PCCB: variants seen among roughly 807,000 people sequenced by gnomAD.
The protein encoded by PCCB is propionyl-CoA carboxylase subunit beta, also known as propionyl-CoA carboxylase beta chain, mitochondrial.
A neutral mutation model predicts 60.7 loss-of-function variants in PCCB; 43 were observed. The ratio of observed to expected loss-of-function variants is 0.71; its 90% CI spans 0.55 to 0.91. The LOEUF (loss-of-function observed/expected upper bound fraction) is 0.91, where lower values mean the gene tolerates loss of function less well. PCCB is among the 40% of genes least tolerant of loss of function. The probability of loss-of-function intolerance (pLI) is 0.00; values close to 1 mark genes in which losing one functional copy is unlikely to be tolerated. For missense variants in PCCB, 766 were observed against 702.8 expected (o/e 1.09, Z -1.02); for synonymous variants, 276 against 255.9 (o/e 1.08, Z -0.75).
chr3:136,296,200 AT>A (rs1209535481), intron 7 of PCCB, among the ~76,000 whole-genome samples: 1 of 152,204 alleles, frequency 6.6e-6, no homozygotes, highest in Non-Finnish European at 1.5e-5. Context: ...ACCACAATCA[AT>A]TTCAGGACAT....
chr3:136,282,239 TGAAATTTACTTGCTG>T (rs1364540365), intron 5 of PCCB, among the ~76,000 whole-genome samples: 1 of 152,258 alleles, frequency 6.6e-6, no homozygotes, highest in East Asian at 1.9e-4. Flanking sequence ...TGAAGTTTAC[TGAAATTTACTTGCTG>T]TTTTATCAAA....
intron 2 of PCCB, chr3:136,256,182 A>G (rs781336992): frequency 1.0e-4 from 70 of 666,980 alleles, no homozygotes; most frequent in Admixed American, 2.2e-4. Flanking sequence ...GCTTCAAGCA[A>G]TCCACCCACC....
At chr3:136,323,652 G>C (rs866686148) in intron 10 of PCCB, among the ~76,000 whole-genome samples, 21 of 152,260 alleles carry the variant, frequency 1.4e-4, no homozygotes, top group South Asian at 4.1e-4. Context: ...GGACGTGGCA[G>C]AGGGTGCCTG....
chr3:136,294,695 A>G (rs1276618641), intron 7 of PCCB, among the ~76,000 whole-genome samples: 1 of 152,110 alleles, frequency 6.6e-6, no homozygotes, highest in Non-Finnish European at 1.5e-5. Context: ...CTGTAGCCTC[A>G]GTCTTCCGGG....
intron 10 of PCCB, 63 bp downstream of exon 10, chr3:136,317,127 G>T: frequency 6.4e-7 from 1 of 1,570,922 alleles, no homozygotes; most frequent in East Asian, 2.3e-5. Context: ...CTGGGTCCAT[G>T]GTATCCTTTC....
chr3:136,279,263 A>G (rs565846812), intron 5 of PCCB, among the ~76,000 whole-genome samples: 1 of 152,296 alleles, frequency 6.6e-6, no homozygotes, highest in South Asian at 2.1e-4. Context: ...TTTTAATAGA[A>G]GAGTTTAATC....
At chr3:136,299,918 G>T (rs369756035) in intron 8 of PCCB, among the ~76,000 whole-genome samples, 1 of 151,646 alleles carries the variant, frequency 6.6e-6, no homozygotes, top group Admixed American at 6.6e-5. Context: ...GCATGTATAT[G>T]TATGCATATG....
intron 5 of PCCB, among the ~76,000 whole-genome samples, chr3:136,274,419 T>TA (rs1462719898): frequency 6.6e-6 from 1 of 152,180 alleles, no homozygotes; most frequent in Non-Finnish European, 1.5e-5. Context: ...GGGTGGCAGT[T>TA]ATTCTGTTTA....
intron 8 of PCCB, among the ~76,000 whole-genome samples, chr3:136,300,181 T>C (rs1934209670): frequency 6.6e-6 from 1 of 151,914 alleles, no homozygotes; most frequent in South Asian, 2.1e-4. Flanking sequence ...TATATGTGTA[T>C]ATATGTATGA....
intron 10 of PCCB, among the ~76,000 whole-genome samples, chr3:136,323,312 A>G (rs916510547): frequency 2.0e-5 from 3 of 151,908 alleles, no homozygotes; most frequent in African/African-American, 7.3e-5. Flanking sequence ...GAGTAATTTC[A>G]ATTGTTTTAT....
chr3:136,260,674 G>A (rs1484799947), intron 4 of PCCB, 139 bp downstream of exon 4: 7 of 739,102 alleles, frequency 9.5e-6, no homozygotes, highest in African/African-American at 3.5e-5. Flanking sequence ...CAACCCGAAG[G>A]GGTGCATAAC....
At chr3:136,308,991 G>C (rs572862843) in intron 9 of PCCB, among the ~76,000 whole-genome samples, 1 of 152,078 alleles carries the variant, frequency 6.6e-6, no homozygotes, top group Non-Finnish European at 1.5e-5. Context: ...GGCCAGGTGC[G>C]GTGGCTCACA....
chr3:136,320,486 C>T (rs141455030), intron 10 of PCCB, among the ~76,000 whole-genome samples: 133 of 152,156 alleles, frequency 8.7e-4, no homozygotes, highest in African/African-American at 2.9e-3. Flanking sequence ...ATTTCTTTTT[C>T]GGATTGTTCA....
intron 10 of PCCB, among the ~76,000 whole-genome samples, chr3:136,321,784 C>T (rs1164141301): frequency 1.3e-5 from 2 of 152,176 alleles, no homozygotes; most frequent in African/African-American, 2.4e-5. Context: ...TCAGATTCTA[C>T]TGGTTTATTG....
chr3:136,281,432 A>T (rs534421488), intron 5 of PCCB, among the ~76,000 whole-genome samples: 2 of 151,324 alleles, frequency 1.3e-5, no homozygotes, highest in East Asian at 3.9e-4. Flanking sequence ...AGTTATTGTC[A>T]ACTCCAGGCT....
chr3:136,294,651 C>G (rs956156416), intron 7 of PCCB, among the ~76,000 whole-genome samples: 1 of 150,848 alleles, frequency 6.6e-6, no homozygotes, highest in East Asian at 2.0e-4. Flanking sequence ...CATGCTATTG[C>G]CCAGGCTGGA....
intron 3 of PCCB, among the ~76,000 whole-genome samples, chr3:136,258,587 T>C (rs1387855670): frequency 6.6e-6 from 1 of 152,104 alleles, no homozygotes; most frequent in African/African-American, 2.4e-5. Flanking sequence ...GTCCCTTGCC[T>C]GATAATTGGC....
intron 10 of PCCB, among the ~76,000 whole-genome samples, chr3:136,318,805 T>C (rs1935006213): frequency 6.6e-6 from 1 of 152,250 alleles, no homozygotes; most frequent in South Asian, 2.1e-4. Flanking sequence ...TTTGATTGAT[T>C]GTCCATTTGT....
chr3:136,265,581 A>G (rs545534623), intron 5 of PCCB, among the ~76,000 whole-genome samples: 17 of 152,326 alleles, frequency 1.1e-4, no homozygotes, highest in Middle Eastern at 3.4e-3. Context: ...GTTCCTGGCT[A>G]TCATGAGTAA....
Sources: gnomAD v4.1 joint callset for allele counts (sites outside exome capture counted in the v4.1 genomes callset) on GRCh38, gnomAD v4.1.1 for gene constraint, MANE v1.5 for transcripts, NCBI Gene and HGNC (gene_info 2026-07-23, HGNC 2026-07-21) for gene names.